The following IQGAP2 variants were observed in gnomAD, a reference collection of about 807,000 sequenced individuals.
The protein encoded by IQGAP2 is IQ motif containing GTPase activating protein 2.
IQGAP2 carries 173 observed loss-of-function variants against 201.3 expected under a neutral mutation model. That is an observed-to-expected ratio of 0.86 (90% CI 0.76 to 0.98). The LOEUF (loss-of-function observed/expected upper bound fraction) is 0.98, where lower values mean the gene tolerates loss of function less well. IQGAP2 is among the 50% of genes least tolerant of loss of function. The probability of loss-of-function intolerance (pLI) is 0.00; values close to 1 mark genes in which losing one functional copy is unlikely to be tolerated. For missense variants in IQGAP2, 1,687 were observed against 1,864.8 expected (o/e 0.90, Z 1.76); for synonymous variants, 675 against 673.9 (o/e 1.00, Z -0.03).
chr5:76,471,915 A>G (rs1255353698), intron 2 of IQGAP2, among the ~76,000 whole-genome samples: 1 of 152,238 alleles, frequency 6.6e-6, no homozygotes, highest in Non-Finnish European at 1.5e-5. Flanking sequence ...TCCTAATTGC[A>G]TTTTCAAAAC....
chr5:76,634,009 G>C (rs1255247530), intron 15 of IQGAP2, among the ~76,000 whole-genome samples: 1 of 151,656 alleles, frequency 6.6e-6, no homozygotes, highest in Non-Finnish European at 1.5e-5. Context: ...TTCATGTCCA[G>C]GTTTTTTCAT....
intron 2 of IQGAP2, among the ~76,000 whole-genome samples, chr5:76,499,159 G>T (rs566627426): frequency 1.5e-4 from 23 of 152,316 alleles, no homozygotes; most frequent in Non-Finnish European, 2.1e-4. Context: ...GCACAATTAT[G>T]ATTGTCTTAA....
chr5:76,475,844 C>G (rs1321682901), intron 2 of IQGAP2, among the ~76,000 whole-genome samples: 1 of 152,052 alleles, frequency 6.6e-6, no homozygotes, highest in African/African-American at 2.4e-5. Context: ...TTTCAGAGAA[C>G]CTTCAGATGG....
rs138051101 is a variant in IQGAP2 at position 76,519,446 on chromosome 5, G to A, written c.147-42950G>A. ...GAGAGATACCACAGTTTGTTTGGAG[G>A]ACATGTGGGATGTTTTCAGTTATTG... is the stretch of plus-strand genomic sequence containing the variant. On this transcript the variant is annotated intron_variant, in intron 2 of 35. Transcript: ENST00000274364. Among the ~76,000 whole-genome samples, 661 of 152,328 alleles carry A rather than the reference G, an allele frequency of 4.3e-3. 2 individuals carry two copies. The highest frequency in any genetic ancestry group is 6.8e-3 in the Middle Eastern group (2 of 294).
At chr5:76,680,794 TA>T (rs755958579) in intron 28 of IQGAP2, among the ~76,000 whole-genome samples, 2,719 of 115,512 alleles carry the variant, frequency 0.024, 83 homozygotes, top group East Asian at 0.16. Context: ...TTGTCTCATT[TA>T]AAAAAAAAAA....
chr5:76,628,120 A>T (rs10045033), intron 14 of IQGAP2, among the ~76,000 whole-genome samples: 39,957 of 152,162 alleles, frequency 0.26, 5,524 homozygotes, highest in East Asian at 0.4. Context: ...ACTCAGCTAC[A>T]CTACCAAAAA....
At position 76,482,479 on chromosome 5, in the gene IQGAP2, A is replaced by G. The variant is rs78143709; in HGVS notation, c.146+20810A>G. On this transcript the variant is annotated intron_variant, in intron 2 of 35. Coordinates refer to ENST00000274364, the MANE Select transcript of IQGAP2 (RefSeq NM_006633.5). Reference sequence around the variant, plus strand: ...TGGAATTAAATTAAGACATGCCCACACTACCTAATTTCATAAGGGTGGTGC... The same window carrying G: ...TGGAATTAAATTAAGACATGCCCACGCTACCTAATTTCATAAGGGTGGTGC... Among the ~76,000 whole-genome samples the G allele has an allele frequency of 2.6e-3, 395 of 152,334 alleles. 3 individuals carry two copies. Among genetic ancestry groups the G allele is most frequent in the African/African-American group, 8.9e-3 (371 of 41,572 alleles).
intron 1 of IQGAP2, among the ~76,000 whole-genome samples, chr5:76,437,675 C>T (rs1455867345): frequency 4.6e-5 from 7 of 152,174 alleles, no homozygotes; most frequent in Admixed American, 3.9e-4. Context: ...TGGCTTCCAG[C>T]TCCATCCATG....
In IQGAP2 at chr5:76,444,088, A is replaced by C. The variant is rs140145298; in HGVS notation, c.47-17482A>C. On this transcript the variant is annotated intron_variant, in intron 1 of 35. Coordinates refer to ENST00000274364, the MANE Select transcript of IQGAP2 (RefSeq NM_006633.5). ...CTCACAATAGTAGAAAGAATTATGGAGTTAGAAAATCAATAGGCTGGGTGC... is the reference window on the plus strand; with the variant it reads ...CTCACAATAGTAGAAAGAATTATGGCGTTAGAAAATCAATAGGCTGGGTGC... 2.0e-4 allele frequency among the ~76,000 whole-genome samples: 30 copies of C among 152,232 alleles called. 2 individuals carry two copies. The South Asian group carries it at 5.4e-3, about 27-fold the overall frequency.
intron 18 of IQGAP2, among the ~76,000 whole-genome samples, chr5:76,653,325 C>G (rs1171194633): frequency 6.6e-6 from 1 of 152,126 alleles, no homozygotes; most frequent in Non-Finnish European, 1.5e-5. Flanking sequence ...GTGATGTCCA[C>G]TCTCATGGAT....
intron 12 of IQGAP2, chr5:76,607,379 C>T (rs1747883941): frequency 6.6e-6 from 1 of 152,182 alleles, no homozygotes; most frequent in African/African-American, 2.4e-5. Context: ...TAAGCCCCTA[C>T]TATAAAACAG....
At chr5:76,406,831 C>A (rs1446328090) in intron 1 of IQGAP2, among the ~76,000 whole-genome samples, 1 of 146,764 alleles carries the variant, frequency 6.8e-6, no homozygotes, top group African/African-American at 2.5e-5. Context: ...TTCTACACTA[C>A]AAGATTCAGA....
intron 19 of IQGAP2, 139 bp downstream of exon 19, chr5:76,654,410 G>A: frequency 3.5e-6 from 2 of 569,646 alleles, no homozygotes; most frequent in African/African-American, 1.9e-5. Context: ...AACTTCATAT[G>A]ATAATATTTG....
In IQGAP2 at chr5:76,558,338, T is replaced by C. The variant is rs187864066; in HGVS notation, c.147-4058T>C. 2.3e-3 allele frequency among the ~76,000 whole-genome samples: 357 copies of C among 152,320 alleles called. 3 individuals carry two copies. The highest frequency in any genetic ancestry group is 8.3e-3 in the South Asian group (40 of 4,824). Reference sequence around the variant, plus strand: ...ATATACCCCAATTTCCAGGTTGTTATAAAGCATTCATATATTTTTGTGTAA... The same window carrying C: ...ATATACCCCAATTTCCAGGTTGTTACAAAGCATTCATATATTTTTGTGTAA... On this transcript the variant is annotated intron_variant, in intron 2 of 35. Coordinates refer to ENST00000274364, the MANE Select transcript of IQGAP2 (RefSeq NM_006633.5).
intron 17 of IQGAP2, among the ~76,000 whole-genome samples, chr5:76,646,747 AT>A (rs1752070302): frequency 6.6e-6 from 1 of 152,326 alleles, no homozygotes; most frequent in Non-Finnish European, 1.5e-5. Flanking sequence ...CATCTTTATA[AT>A]AATAAACTTT....
chr5:76,553,887 A>G (rs1743732262), intron 2 of IQGAP2, among the ~76,000 whole-genome samples: 1 of 152,200 alleles, frequency 6.6e-6, no homozygotes, highest in Non-Finnish European at 1.5e-5. Flanking sequence ...AAGGGGGAAT[A>G]TTCTGGTTTT....
intron 17 of IQGAP2, among the ~76,000 whole-genome samples, chr5:76,652,112 A>G (rs763091186): frequency 2.6e-5 from 4 of 152,232 alleles, no homozygotes; most frequent in Non-Finnish European, 5.9e-5. Flanking sequence ...TCTTCTAAAG[A>G]TACTAGTTTG....
At chr5:76,564,017 A>C (rs1293633910) in intron 3 of IQGAP2, among the ~76,000 whole-genome samples, 1 of 150,988 alleles carries the variant, frequency 6.6e-6, no homozygotes, top group Non-Finnish European at 1.5e-5. Flanking sequence ...GTCACTGAGC[A>C]AAAGTTTTTG....
At chr5:76,623,137 C>G (rs1390661601) in intron 13 of IQGAP2, 1 of 1,609,262 alleles carries the variant, frequency 6.2e-7, no homozygotes, top group Middle Eastern at 1.7e-4. Context: ...AACCCACATC[C>G]CCATCCTACC....
Sources: allele counts gnomAD v4.1 joint callset (sites outside exome capture counted in the v4.1 genomes callset), GRCh38; gene constraint gnomAD v4.1.1; transcripts MANE v1.5; gene names NCBI Gene and HGNC (gene_info 2026-07-23, HGNC 2026-07-21).